PGM5: variants seen among roughly 807,000 people sequenced by gnomAD.
PGM5 encodes the protein phosphoglucomutase-like protein 5.
PGM5 carries 23 observed loss-of-function variants against 59.2 expected under a neutral mutation model. That is an observed-to-expected ratio of 0.39 (90% CI 0.28 to 0.55). The LOEUF (loss-of-function observed/expected upper bound fraction) is 0.55, where lower values mean the gene tolerates loss of function less well. Ranked by LOEUF, PGM5 falls within the 20% of genes least tolerant of loss-of-function variation. The pLI is 0.66. For synonymous variants in PGM5, 214 were observed against 286.0 expected, an observed-to-expected ratio of 0.75 and a Z score of 2.54; for missense variants, 574 against 748.3, an observed-to-expected ratio of 0.77 and a Z score of 2.72.
At chr9:68,475,979 C>A (rs970315278) in intron 7 of PGM5, among the ~76,000 whole-genome samples, 5 of 152,214 alleles carry the variant, frequency 3.3e-5, no homozygotes, top group African/African-American at 1.2e-4. Flanking sequence ...CATGATTGAA[C>A]CCCTGTACTC....
intron 1 of PGM5, among the ~76,000 whole-genome samples, chr9:68,377,747 T>C (rs1442555208): frequency 6.6e-6 from 1 of 152,300 alleles, no homozygotes; most frequent in Non-Finnish European, 1.5e-5. Context: ...GATGAGGTTG[T>C]ACTAAATCAG....
In PGM5 at chr9:68,376,902, CTCTTTCTT is replaced by C. The variant is rs201227927; in HGVS notation, c.262-1287_262-1280del. 4.4e-5 allele frequency among the ~76,000 whole-genome samples: 5 copies of C among 114,268 alleles called. 1 individual carries two copies. Among genetic ancestry groups the C allele is most frequent in the Admixed American group, 9.0e-5 (1 of 11,146 alleles). 75.0% of individuals were successfully genotyped at this position (114,268 alleles called of 152,430 possible). On this transcript the variant is annotated intron_variant, in intron 1 of 10. Coordinates refer to ENST00000396396, the MANE Select transcript of PGM5 (RefSeq NM_021965.4). Reference sequence around the variant, plus strand: ...TCTTTCTTTTTTTCTTTCTTTCTCTCTCTTTCTTTCTTTCTTTTTCTTTCTTCTTTCTT... The same window carrying C: ...TCTTTCTTTTTTTCTTTCTTTCTCTCTCTTTCTTTTTCTTTCTTCTTTCTT...
chr9:68,368,506 A>G (rs541413649), intron 1 of PGM5, among the ~76,000 whole-genome samples: 1 of 152,306 alleles, frequency 6.6e-6, no homozygotes, highest in Admixed American at 6.5e-5. Flanking sequence ...ACCTGTCACT[A>G]CCATGGACTT....
chr9:68,447,428 G>GAC (rs1358253377), intron 6 of PGM5, among the ~76,000 whole-genome samples: 1 of 152,198 alleles, frequency 6.6e-6, no homozygotes, highest in Non-Finnish European at 1.5e-5. Flanking sequence ...TGGAGAGAGA[G>GAC]AGAGAGAGAG....
At chr9:68,378,432 C>T in intron 2 of PGM5, 71 bp downstream of exon 2, 1 of 1,461,300 alleles carries the variant, frequency 6.8e-7, no homozygotes, top group Middle Eastern at 2.5e-4. Context: ...CTCACAGTGA[C>T]TCTTTGATGA....
Position 68,356,858 on chromosome 9 carries a change from C to T in PGM5, c.-270C>T, listed in dbSNP as rs1554675703. On this transcript the variant is annotated 5_prime_UTR_variant, in exon 1 of 11. Coordinates refer to ENST00000396396, the MANE Select transcript of PGM5 (RefSeq NM_021965.4). Reference sequence around the variant, plus strand: ...GGGGAGAAACTGAGGGCAGCTCGGGCGGTCTGGCAGCGGAGAAGGTGGGTG... The same window carrying T: ...GGGGAGAAACTGAGGGCAGCTCGGGTGGTCTGGCAGCGGAGAAGGTGGGTG... The T allele has an allele frequency of 5.2e-6, 2 of 383,924 alleles. No homozygotes were observed. Among genetic ancestry groups the T allele is most frequent in the Admixed American group, 4.8e-5 (1 of 20,910 alleles). 23.8% of individuals were successfully genotyped at this position (383,924 alleles called of 1,614,324 possible).
chr9:68,366,625 T>C (rs1318756688), intron 1 of PGM5, among the ~76,000 whole-genome samples: 24 of 152,302 alleles, frequency 1.6e-4, no homozygotes, highest in African/African-American at 5.8e-4. Context: ...GCATATGCAT[T>C]ACCTTCAAAA....
At chr9:68,522,579 C>T (rs1417453652) in intron 10 of PGM5, among the ~76,000 whole-genome samples, 1 of 152,214 alleles carries the variant, frequency 6.6e-6, no homozygotes, top group East Asian at 1.9e-4. Flanking sequence ...TGGTAGAATA[C>T]TGGACCATGA....
chr9:68,515,775 ATTT>A (rs1323482301), intron 10 of PGM5, among the ~76,000 whole-genome samples: 1 of 152,132 alleles, frequency 6.6e-6, no homozygotes, highest in Non-Finnish European at 1.5e-5. Context: ...CATGAACTTT[ATTT>A]TATGGGCAAA....
intron 6 of PGM5, among the ~76,000 whole-genome samples, chr9:68,456,045 C>T (rs539758662): frequency 6.6e-5 from 10 of 152,258 alleles, no homozygotes; most frequent in East Asian, 3.9e-4. Flanking sequence ...CTCTATTTCT[C>T]TTTCACATAT....
chr9:68,457,169 T>A (rs187839423), intron 6 of PGM5, among the ~76,000 whole-genome samples: 1 of 152,236 alleles, frequency 6.6e-6, no homozygotes, highest in Non-Finnish European at 1.5e-5. Context: ...TTACTTCTTT[T>A]TTTTAGTGTC....
chr9:68,480,041 G>T (rs1478616636), intron 8 of PGM5, among the ~76,000 whole-genome samples: 1 of 152,180 alleles, frequency 6.6e-6, no homozygotes, highest in South Asian at 2.1e-4. Flanking sequence ...AAGCTGGAAG[G>T]CACCAATTTC....
chr9:68,420,792 G>T (rs1823115009), intron 6 of PGM5, among the ~76,000 whole-genome samples: 1 of 152,160 alleles, frequency 6.6e-6, no homozygotes, highest in African/African-American at 2.4e-5. Context: ...ACTCTTTGAT[G>T]CATTATTTGG....
At chr9:68,511,780 C>T (rs1390992616) in intron 10 of PGM5, among the ~76,000 whole-genome samples, 3 of 151,804 alleles carry the variant, frequency 2.0e-5, no homozygotes, top group African/African-American at 7.3e-5. Flanking sequence ...ATGGTATTGA[C>T]TCATTTTCTT....
chr9:68,392,976 T>A (rs1383530031), intron 6 of PGM5, among the ~76,000 whole-genome samples: 1 of 152,142 alleles, frequency 6.6e-6, no homozygotes. Context: ...AAATGATACT[T>A]CATAGGTTTA....
At chr9:68,409,952 C>T (rs1221009491) in intron 6 of PGM5, among the ~76,000 whole-genome samples, 8 of 151,950 alleles carry the variant, frequency 5.3e-5, no homozygotes, top group Admixed American at 2.6e-4. Flanking sequence ...CATTGATTCT[C>T]ATCACTTCTC....
chr9:68,384,637 A>G (rs1822168957), intron 3 of PGM5, 93 bp downstream of exon 3: 2 of 776,848 alleles, frequency 2.6e-6, no homozygotes, highest in African/African-American at 1.8e-5. Context: ...AAATTATTGC[A>G]TTGTTAATCT....
chr9:68,426,859 T>C (rs1413967598), intron 6 of PGM5: 1 of 152,236 alleles, frequency 6.6e-6, no homozygotes, highest in Non-Finnish European at 1.5e-5. Flanking sequence ...TCAGAACCAC[T>C]GGCCTGTGAG....
At chr9:68,483,459 G>C (rs555998064) in intron 8 of PGM5, among the ~76,000 whole-genome samples, 2 of 152,198 alleles carry the variant, frequency 1.3e-5, no homozygotes, top group African/African-American at 4.8e-5. Flanking sequence ...CCAGAGGCAG[G>C]AAAGGGTGCA....
Sources: gnomAD v4.1 joint callset for allele counts (sites outside exome capture counted in the v4.1 genomes callset) on GRCh38, gnomAD v4.1.1 for gene constraint, MANE v1.5 for transcripts, NCBI Gene and HGNC (gene_info 2026-07-23, HGNC 2026-07-21) for gene names.